The following ABCD3 variants were observed in gnomAD, a reference collection of about 807,000 sequenced individuals.
The protein encoded by ABCD3 is ATP binding cassette subfamily D member 3.
In ABCD3, 41 loss-of-function variants were observed where a neutral mutation model predicts 105.5. The ratio of observed to expected loss-of-function variants is 0.39; its 90% CI spans 0.30 to 0.50. The LOEUF (loss-of-function observed/expected upper bound fraction) is 0.50. ABCD3 is among the 20% of genes least tolerant of loss of function. The pLI, the probability that ABCD3 is intolerant of heterozygous loss-of-function variation, is 0.84. For synonymous variants in ABCD3, 258 were observed against 269.0 expected (o/e 0.96, Z 0.40); for missense variants, 622 against 806.3 (o/e 0.77, Z 2.77).
At chr1:94,497,432 G>A (rs1399022733) in intron 16 of ABCD3, among the ~76,000 whole-genome samples, 1 of 152,112 alleles carries the variant, frequency 6.6e-6, no homozygotes, top group Non-Finnish European at 1.5e-5. Flanking sequence ...ACCAGCTAGG[G>A]TAACTCATAT....
At position 94,472,453 on chromosome 1, in the gene ABCD3, CG is replaced by C. The variant is rs776828335; in HGVS notation, c.336-1312del. Among the ~76,000 whole-genome samples, 274 of 70,126 alleles carry C rather than the reference CG, an allele frequency of 3.9e-3. 1 individual carries two copies. The highest frequency in any genetic ancestry group is 4.9e-3 in the Non-Finnish European group (142 of 29,102). 46.0% of individuals were successfully genotyped at this position (70,126 alleles called of 152,430 possible). A position where few individuals can be genotyped will look rare whatever the true frequency, so the allele number is the denominator to read the frequency against. ...TTCTATTTAACTTTCTTGTAGTTAG[CG>C]TTTTTTTTTTTTTTAACTGTTTTAC... On this transcript the variant is annotated intron_variant, in intron 4 of 22. Coordinates refer to ENST00000370214, the MANE Select transcript of ABCD3 (RefSeq NM_002858.4).
chr1:94,459,005 C>A (rs1480165553), intron 2 of ABCD3, among the ~76,000 whole-genome samples: 1 of 134,940 alleles, frequency 7.4e-6, no homozygotes, highest in African/African-American at 2.7e-5. Context: ...CCTTCCTGTC[C>A]CCTCCCCTCC....
intron 1 of ABCD3, chr1:94,419,189 G>A (rs917329101): frequency 1.4e-6 from 1 of 727,464 alleles, no homozygotes; most frequent in Non-Finnish European, 1.7e-6. Flanking sequence ...AGCCCTTGGA[G>A]TCGGTGAACC....
chr1:94,506,489 A>G (rs1403604120), intron 20 of ABCD3, 49 bp from the exon 21 acceptor site: 4 of 1,128,284 alleles, frequency 3.5e-6, no homozygotes, highest in Non-Finnish European at 2.7e-6. Flanking sequence ...CGGCTTACTA[A>G]TTTTAGGTCT....
At chr1:94,422,924 A>G (rs1027741034) in intron 1 of ABCD3, among the ~76,000 whole-genome samples, 3 of 152,208 alleles carry the variant, frequency 2.0e-5, no homozygotes, top group Admixed American at 6.5e-5. Context: ...TTCGCTTCTT[A>G]TCAATGCTTG....
At chr1:94,455,513 C>T (rs545153911) in intron 1 of ABCD3, among the ~76,000 whole-genome samples, 3 of 151,992 alleles carry the variant, frequency 2.0e-5, no homozygotes, top group South Asian at 4.2e-4. Flanking sequence ...TTAGTAGAGA[C>T]GGGGTTTCTC....
At position 94,489,708 on chromosome 1, in the gene ABCD3, C is replaced by G; in HGVS notation, c.1158-17C>G. 1 of 1,590,934 alleles carries G rather than the reference C, an allele frequency of 6.3e-7. No homozygotes were observed. The highest frequency in any genetic ancestry group is 8.6e-7 in the Non-Finnish European group (1 of 1,160,130). ...AGTCTGGAGTTTTGATTATGGTTTC[C>G]TTTTCTAAAATTTTAGTTTTACTGC... On this transcript the variant is annotated splice_polypyrimidine_tract_variant and intron_variant, in intron 13 of 22. Transcript: ENST00000370214.
chr1:94,474,974 A>T (rs890944862), intron 5 of ABCD3, among the ~76,000 whole-genome samples, 169 bp from the exon 6 acceptor site: 1 of 152,166 alleles, frequency 6.6e-6, no homozygotes, highest in Non-Finnish European at 1.5e-5. Flanking sequence ...AACGAGGTAC[A>T]TTTGGTTTAG....
At chr1:94,474,956 A>G (rs921150471) in intron 5 of ABCD3, among the ~76,000 whole-genome samples, 187 bp from the exon 6 acceptor site, 15 of 152,192 alleles carry the variant, frequency 9.9e-5, no homozygotes, top group Non-Finnish European at 1.8e-4. Context: ...TTAACATAGA[A>G]TAATTCAAAC....
intron 1 of ABCD3, among the ~76,000 whole-genome samples, chr1:94,449,392 T>C (rs1660482869): frequency 6.6e-6 from 1 of 152,204 alleles, no homozygotes; most frequent in Admixed American, 6.5e-5. Context: ...ATGGTACCTA[T>C]GATAGCAGTG....
At chr1:94,393,220 A>G in the ABCD3 span, among the ~76,000 whole-genome samples, 1 of 152,224 alleles carries the variant, frequency 6.6e-6, no homozygotes, top group African/African-American at 2.4e-5. Context: ...GCTTAGCACA[A>G]TCTCTGGCAC....
chr1:94,477,227 CAAAAAAAAAA>C (rs561060182), intron 7 of ABCD3, among the ~76,000 whole-genome samples: 28 of 44,306 alleles, frequency 6.3e-4, no homozygotes, highest in African/African-American at 2.2e-3. Flanking sequence ...ACTTATAAGG[CAAAAAAAAAA>C]AAAAAAAAAA....
upstream of ABCD3, among the ~76,000 whole-genome samples, chr1:94,413,786 T>C (rs1658954846): frequency 1.3e-5 from 2 of 152,028 alleles, no homozygotes; most frequent in Non-Finnish European, 2.9e-5. Flanking sequence ...GGCAGGTCTC[T>C]AAAAAAAATT....
intron 2 of ABCD3, among the ~76,000 whole-genome samples, chr1:94,459,644 C>CTA (rs1647773061): frequency 6.6e-6 from 1 of 151,962 alleles, no homozygotes; most frequent in South Asian, 2.1e-4. Context: ...AAAATTTATC[C>CTA]ATTTAAGTGT....
chr1:94,502,822 G>A (rs530277080), intron 20 of ABCD3, among the ~76,000 whole-genome samples: 75 of 152,176 alleles, frequency 4.9e-4, no homozygotes, highest in South Asian at 1.2e-3. Flanking sequence ...TTGAACTTTT[G>A]TGCAATTCAG....
At chr1:94,493,180 T>A (rs1235389822) in intron 16 of ABCD3, among the ~76,000 whole-genome samples, 1 of 151,324 alleles carries the variant, frequency 6.6e-6, no homozygotes, top group Non-Finnish European at 1.5e-5. Flanking sequence ...TGGGAGAAAA[T>A]TTTCGCAACC....
chr1:94,488,526 A>T (rs1192962719), intron 13 of ABCD3, among the ~76,000 whole-genome samples: 2 of 152,104 alleles, frequency 1.3e-5, no homozygotes, highest in African/African-American at 2.4e-5. Context: ...TTCAATCTCC[A>T]ATATAAAGGG....
chr1:94,466,436 CA>C (rs1199123640), intron 3 of ABCD3, among the ~76,000 whole-genome samples: 1 of 152,072 alleles, frequency 6.6e-6, no homozygotes, highest in Admixed American at 6.6e-5. Flanking sequence ...CTAATCAAAA[CA>C]TGTAACTTCA....
intron 1 of ABCD3, 103 bp downstream of exon 1, chr1:94,418,691 CG>C: frequency 7.7e-7 from 1 of 1,298,346 alleles, no homozygotes; most frequent in Non-Finnish European, 1.1e-6. Context: ...CCGACGGGGT[CG>C]GGCGGAGAGA....
Sources: allele counts gnomAD v4.1 joint callset (sites outside exome capture counted in the v4.1 genomes callset), GRCh38; gene constraint gnomAD v4.1.1; transcripts MANE v1.5; gene names NCBI Gene and HGNC (gene_info 2026-07-23, HGNC 2026-07-21).